POU2F2: variants seen among roughly 807,000 people sequenced by gnomAD.
The protein encoded by POU2F2 is POU class 2 homeobox 2, also known as POU domain, class 2, transcription factor 2.
In POU2F2, 14 loss-of-function variants were observed where a neutral mutation model predicts 63.5. The ratio of observed to expected loss-of-function variants is 0.22; its 90% CI spans 0.15 to 0.34. The LOEUF is 0.34. Ranked by LOEUF, POU2F2 falls within the 10% of genes least tolerant of loss-of-function variation. The pLI is 1.00. For synonymous variants in POU2F2, 306 were observed against 348.6 expected (o/e 0.88, Z 1.36); for missense variants, 607 against 815.2 (o/e 0.74, Z 3.11).
intron 1 of POU2F2, among the ~76,000 whole-genome samples, chr19:42,131,411 A>C (rs1220194183): frequency 6.6e-6 from 1 of 151,950 alleles, no homozygotes; most frequent in African/African-American, 2.4e-5. Flanking sequence ...CCAAACCAAG[A>C]CTCATGCCCA....
At chr19:42,173,059 TGA>T (rs1358588033) in intron 1 of POU2F2, among the ~76,000 whole-genome samples, 2 of 152,282 alleles carry the variant, frequency 1.3e-5, no homozygotes, top group African/African-American at 4.8e-5. Flanking sequence ...GGGGCTGCTG[TGA>T]GAGCGAGGTG....
chr19:42,178,077 T>C (rs944414694), upstream of POU2F2, among the ~76,000 whole-genome samples: 1 of 146,244 alleles, frequency 6.8e-6, no homozygotes, highest in Non-Finnish European at 1.5e-5. Context: ...GGGCAGGAAG[T>C]ATAGGGGACA....
intron 1 of POU2F2, among the ~76,000 whole-genome samples, chr19:42,126,791 C>T (rs961413797): frequency 6.6e-6 from 1 of 152,178 alleles, no homozygotes; most frequent in African/African-American, 2.4e-5. Context: ...CCTGGTCTGA[C>T]TCATCACTGG....
chr19:42,105,557 G>A (rs963729612), intron 5 of POU2F2, among the ~76,000 whole-genome samples: 1 of 152,160 alleles, frequency 6.6e-6, no homozygotes, highest in Admixed American at 6.5e-5. Flanking sequence ...GCCTAGAGAG[G>A]TGTCTGTGGG....
In POU2F2 at chr19:42,117,804, AC is replaced by A. The variant is rs2032120250; in HGVS notation, c.187-373del. On this transcript the variant is annotated intron_variant, in intron 4 of 14. Transcript: ENST00000692977. This position sits in a 1 kb window ranked among gnomAD's most constrained non-coding sequence, Gnocchi z 4.4. ...AAACCAGCCTGGCCAACATGGTGAA[AC>A]CCCATTTCTGAAAAAAAAAAAGGAA... 6.7e-6 allele frequency among the ~76,000 whole-genome samples: 1 copy of A among 150,186 alleles called. No individual in the cohort carries two copies. Among genetic ancestry groups the A allele is most frequent in the South Asian group, 2.1e-4 (1 of 4,706 alleles).
At chr19:42,189,401 T>C (rs952314494) in intron 1 of POU2F2, among the ~76,000 whole-genome samples, 4 of 152,208 alleles carry the variant, frequency 2.6e-5, no homozygotes, top group Admixed American at 2.0e-4. Flanking sequence ...CCAAATCTGA[T>C]TGCAGCTGAT....
chr19:42,129,271 G>A (rs919320282), intron 1 of POU2F2, among the ~76,000 whole-genome samples: 11 of 152,018 alleles, frequency 7.2e-5, no homozygotes, highest in African/African-American at 2.4e-4. Flanking sequence ...AATATTTTAG[G>A]GGAACTGAAA....
At chr19:42,165,553 G>C (rs2034633686) in intron 1 of POU2F2, among the ~76,000 whole-genome samples, 1 of 152,208 alleles carries the variant, frequency 6.6e-6, no homozygotes, top group East Asian at 1.9e-4. Context: ...TGTGCATGCA[G>C]ACTCCTGAGA....
chr19:42,195,741 C>T (rs568499514), intron 1 of POU2F2, among the ~76,000 whole-genome samples: 3 of 133,680 alleles, frequency 2.2e-5, no homozygotes, highest in South Asian at 2.8e-4. Context: ...TCCCTCCCTT[C>T]CTCCCTTTCT....
At chr19:42,145,810 T>C (rs1328738202) in intron 2 of POU2F2, among the ~76,000 whole-genome samples, 4 of 152,112 alleles carry the variant, frequency 2.6e-5, no homozygotes, top group Admixed American at 2.6e-4. Flanking sequence ...GGCACACACC[T>C]GTAATCCCAG....
chr19:42,132,528 C>G, upstream of POU2F2: 3 of 1,011,766 alleles, frequency 3.0e-6, no homozygotes, highest in Middle Eastern at 3.1e-4. Context: ...CGGTCCGCCC[C>G]CTTCAGAAGG....
chr19:42,091,688 T>C, intron 14 of POU2F2, 97 bp from the exon 15 acceptor site: 1 of 1,551,114 alleles, frequency 6.4e-7, no homozygotes, highest in African/African-American at 1.4e-5. Context: ...CATCTCCCCA[T>C]CGGTCCCACT....
At position 42,105,143 on chromosome 19, in the gene POU2F2, C is replaced by T. The variant is rs192400451; in HGVS notation, c.370-5322G>A. Among the ~76,000 whole-genome samples the T allele has an allele frequency of 1.3e-4, 20 of 152,310 alleles. No individual in the cohort carries two copies. In the East Asian group the frequency reaches 3.9e-3, roughly 29 times the overall value. ...CAGGGCCCCCCATTTACAGTGAACC[C>T]TTTCAAGGCCCCATACCTAATTTTT... On this transcript the variant is annotated intron_variant, in intron 5 of 14. Transcript: ENST00000692977.
intron 1 of POU2F2, among the ~76,000 whole-genome samples, chr19:42,164,247 G>A (rs1160262812): frequency 6.8e-6 from 1 of 147,148 alleles, no homozygotes; most frequent in Non-Finnish European, 1.5e-5. Context: ...AGCTGAGATT[G>A]CGCCACTGCA....
In POU2F2 at chr19:42,099,618, C is replaced by G; in HGVS notation, c.476G>C (p.Gly159Ala). The G allele has an allele frequency of 3.1e-6, 5 of 1,613,216 alleles. No homozygotes were observed. Among genetic ancestry groups the G allele is most frequent in the Non-Finnish European group, 3.4e-6 (4 of 1,179,292 alleles). ...GAATAGATTTGGTGTCGGTAGCAGG[C>G]CTGGAAAGACAAGGGGAAATACACA... ...LLPQAQQSQP[G>A]LLPTPNLFQL... is the part of the protein sequence containing the mutation. The change falls in exon 7 of 15, where the codon GGC (glycine) becomes GCC (alanine). Residue 159 changes from glycine (G) to alanine (A), a missense_variant and splice_region_variant. This residue lies in a region of POU2F2 where 224 missense variants were observed against 264.3 expected (regional missense o/e 0.85). Coordinates refer to ENST00000692977, the MANE Select transcript of POU2F2 (RefSeq NM_001394376.1).
intron 5 of POU2F2, among the ~76,000 whole-genome samples, chr19:42,103,631 T>C (rs987479739): frequency 2.3e-4 from 31 of 137,140 alleles, no homozygotes; most frequent in Middle Eastern, 4.1e-3. Flanking sequence ...TCGTTTCTTT[T>C]TTTTTTTTTT....
chr19:42,150,111 C>T (rs1401888774), intron 2 of POU2F2, among the ~76,000 whole-genome samples: 2 of 152,096 alleles, frequency 1.3e-5, no homozygotes, highest in African/African-American at 4.8e-5. Flanking sequence ...TTTGGCTATC[C>T]TGACTTTGGC....
intron 5 of POU2F2, among the ~76,000 whole-genome samples, chr19:42,107,085 T>A (rs1464694782): frequency 6.6e-6 from 1 of 151,996 alleles, no homozygotes; most frequent in African/African-American, 2.4e-5. Context: ...CGGTGGCTCA[T>A]GCCTGTAATC....
intron 5 of POU2F2, among the ~76,000 whole-genome samples, chr19:42,112,491 AC>A (rs1221165944): frequency 6.6e-6 from 1 of 152,012 alleles, no homozygotes; most frequent in Non-Finnish European, 1.5e-5. Context: ...TGCCTCAGCC[AC>A]CCGAGTAGCT....
Sources: gnomAD v4.1 joint callset for allele counts (sites outside exome capture counted in the v4.1 genomes callset) on GRCh38, gnomAD v4.1.1 for gene constraint, gnomAD v4.1.1 regional missense constraint, Gnocchi (gnomAD v3.1) non-coding constraint, MANE v1.5 for transcripts, NCBI Gene and HGNC (gene_info 2026-07-23, HGNC 2026-07-21) for gene names.